Variants in AGBL4 observed in about 807,000 individuals in gnomAD.
AGBL4 encodes AGBL carboxypeptidase 4, also known as cytosolic carboxypeptidase 6.
AGBL4 carries 58 observed loss-of-function variants against 66.4 expected under a neutral mutation model. The observed-to-expected ratio is 0.87, with a 90% CI of 0.71 to 1.09. The LOEUF is 1.09. Ranked by LOEUF, AGBL4 falls within the 50% of genes least tolerant of loss-of-function variation. AGBL4 has a pLI of 0.00. For missense variants in AGBL4, 579 were observed against 631.0 expected, an observed-to-expected ratio of 0.92 and a Z score of 0.88; for synonymous variants, 234 against 222.9, an observed-to-expected ratio of 1.05 and a Z score of -0.44.
At chr1:49,690,353 A>G (rs1157493757) in intron 3 of AGBL4, among the ~76,000 whole-genome samples, 1 of 152,194 alleles carries the variant, frequency 6.6e-6, no homozygotes, top group African/African-American at 2.4e-5. Context: ...GTTCACAGTC[A>G]TTCCTTTTAG....
intron 6 of AGBL4, among the ~76,000 whole-genome samples, chr1:48,754,647 A>C (rs905525663): frequency 1.3e-5 from 2 of 152,186 alleles, no homozygotes; most frequent in Admixed American, 6.5e-5. Flanking sequence ...AAAAGTTTAC[A>C]TATGCAAATT....
At chr1:48,647,836 T>C (rs960513151) in intron 8 of AGBL4, among the ~76,000 whole-genome samples, 10 of 149,684 alleles carry the variant, frequency 6.7e-5, no homozygotes, top group Non-Finnish European at 1.3e-4. Context: ...TGTAAGACAT[T>C]GAGAATTACC....
intron 3 of AGBL4, among the ~76,000 whole-genome samples, chr1:49,311,794 T>TA (rs558590765): frequency 2.6e-5 from 4 of 152,018 alleles, no homozygotes; most frequent in East Asian, 3.9e-4. Flanking sequence ...TATCCTTTTT[T>TA]AAAAAAAGAG....
intron 5 of AGBL4, among the ~76,000 whole-genome samples, chr1:48,975,796 C>T (rs113553848): frequency 5.3e-5 from 8 of 152,208 alleles, no homozygotes; most frequent in Admixed American, 1.3e-4. Context: ...CTTCAGTTCA[C>T]GCTATGACTT....
intron 3 of AGBL4, among the ~76,000 whole-genome samples, chr1:49,668,228 C>T (rs980031676): frequency 1.3e-5 from 2 of 152,088 alleles, no homozygotes; most frequent in Admixed American, 1.3e-4. Context: ...AATAATGTAG[C>T]TTTGTAGTAT....
At chr1:49,274,479 TATG>T (rs1194480592) in intron 3 of AGBL4, among the ~76,000 whole-genome samples, 1 of 152,156 alleles carries the variant, frequency 6.6e-6, no homozygotes. Context: ...CAGTAACAAT[TATG>T]ATTATTATGT....
At chr1:49,438,290 T>C (rs1486316565) in intron 3 of AGBL4, among the ~76,000 whole-genome samples, 2 of 152,306 alleles carry the variant, frequency 1.3e-5, no homozygotes. Flanking sequence ...GTAGGAATAA[T>C]CATTAAAATT....
At chr1:48,954,591 T>C (rs1657277759) in intron 5 of AGBL4, among the ~76,000 whole-genome samples, 1 of 152,350 alleles carries the variant, frequency 6.6e-6, no homozygotes, top group South Asian at 2.1e-4. Context: ...GAGGTTATTA[T>C]TATTAGTGTG....
chr1:48,568,762 T>A (rs1644514911), intron 11 of AGBL4, among the ~76,000 whole-genome samples: 4 of 152,194 alleles, frequency 2.6e-5, no homozygotes, highest in Admixed American at 2.6e-4. Flanking sequence ...GGGCTCCTCC[T>A]CTATGAAGTC....
chr1:48,776,772 G>A (rs764508902), intron 6 of AGBL4: 1 of 1,524,758 alleles, frequency 6.6e-7, no homozygotes, highest in Non-Finnish European at 8.8e-7. Flanking sequence ...AGTCGCGCAC[G>A]CACGACACGG....
chr1:48,668,593 C>T (rs1364804462), intron 6 of AGBL4, among the ~76,000 whole-genome samples: 6 of 152,128 alleles, frequency 3.9e-5, no homozygotes, highest in Non-Finnish European at 8.8e-5. Flanking sequence ...GGATGCCAGC[C>T]CCCATCTTGG....
chr1:49,365,474 G>A (rs1196173329), intron 3 of AGBL4, among the ~76,000 whole-genome samples: 1 of 151,346 alleles, frequency 6.6e-6, no homozygotes, highest in Non-Finnish European at 1.5e-5. Flanking sequence ...TCAAACAATA[G>A]AAGCTATGTA....
At chr1:48,824,283 T>C (rs74898197) in intron 6 of AGBL4, among the ~76,000 whole-genome samples, 3,732 of 152,270 alleles carry the variant, frequency 0.025, 133 homozygotes, top group African/African-American at 0.086. Flanking sequence ...ATGGGGGTCA[T>C]GTGAGCATGG....
At chr1:49,901,135 A>T (rs998713577) in intron 1 of AGBL4, among the ~76,000 whole-genome samples, 6 of 152,322 alleles carry the variant, frequency 3.9e-5, no homozygotes, top group African/African-American at 1.2e-4. Flanking sequence ...GTGGAACAAG[A>T]CAAGGATGAC....
intron 4 of AGBL4, among the ~76,000 whole-genome samples, chr1:49,240,980 A>C (rs1296982644): frequency 6.6e-6 from 1 of 152,026 alleles, no homozygotes; most frequent in Non-Finnish European, 1.5e-5. Context: ...GGAATCATCC[A>C]GGACTCCTCC....
intron 5 of AGBL4, among the ~76,000 whole-genome samples, chr1:48,881,260 AT>A (rs961179082): frequency 2.2e-4 from 33 of 152,022 alleles, no homozygotes; most frequent in Non-Finnish European, 4.0e-4. Flanking sequence ...TACAACTGAA[AT>A]TTTTTTTGTG....
At chr1:49,627,860 G>A (rs1645494289) in intron 3 of AGBL4, among the ~76,000 whole-genome samples, 1 of 152,144 alleles carries the variant, frequency 6.6e-6, no homozygotes. Context: ...ACCTGCTGAG[G>A]CAGTTACTTA....
intron 5 of AGBL4, among the ~76,000 whole-genome samples, chr1:49,012,461 C>T (rs1169783144): frequency 6.6e-6 from 1 of 152,136 alleles, no homozygotes; most frequent in Non-Finnish European, 1.5e-5. Flanking sequence ...GTGGTACATA[C>T]TTAACATAAG....
At chr1:49,064,478 T>C (rs1315176017) in intron 4 of AGBL4, among the ~76,000 whole-genome samples, 2 of 152,228 alleles carry the variant, frequency 1.3e-5, no homozygotes, top group Non-Finnish European at 2.9e-5. Context: ...AGGTCCACTT[T>C]TGTGGCTTAT....
Sources: allele counts gnomAD v4.1 joint callset (sites outside exome capture counted in the v4.1 genomes callset), GRCh38; gene constraint gnomAD v4.1.1; transcripts MANE v1.5; gene names NCBI Gene and HGNC (gene_info 2026-07-23, HGNC 2026-07-21).